NTM: variants seen among roughly 807,000 people sequenced by gnomAD.
The protein encoded by NTM is neurotrimin, also known as IgLON family member 2.
A neutral mutation model predicts 42.1 loss-of-function variants in NTM; 13 were observed. That is an observed-to-expected ratio of 0.31 (90% CI 0.20 to 0.49). NTM has a LOEUF of 0.49. Among genes scored for constraint, NTM ranks in the 20% least tolerant of loss-of-function variants. The probability of loss-of-function intolerance (pLI) is 0.99; values close to 1 mark genes in which losing one functional copy is unlikely to be tolerated. For missense variants in NTM, 373 were observed against 452.8 expected, an observed-to-expected ratio of 0.82 and a Z score of 1.60; for synonymous variants, 187 against 179.2, an observed-to-expected ratio of 1.04 and a Z score of -0.35.
chr11:131,892,995 T>A (rs1288238482), intron 1 of NTM, among the ~76,000 whole-genome samples: 3 of 152,200 alleles, frequency 2.0e-5, no homozygotes, highest in African/African-American at 7.2e-5. Flanking sequence ...GAAGTCACTT[T>A]GGACTTTGAG....
intron 1 of NTM, among the ~76,000 whole-genome samples, chr11:131,469,813 G>A (rs149932895): frequency 2.0e-5 from 3 of 152,298 alleles, no homozygotes; most frequent in African/African-American, 4.8e-5. Flanking sequence ...AATAATGAGA[G>A]CCAAGCTTGG....
chr11:131,833,383 T>C (rs191528805), intron 1 of NTM, among the ~76,000 whole-genome samples: 23 of 152,316 alleles, frequency 1.5e-4, no homozygotes, highest in African/African-American at 5.3e-4. Context: ...CACTACCTCA[T>C]GTAACCCCCA....
intron 1 of NTM, among the ~76,000 whole-genome samples, chr11:131,779,184 C>T (rs948487684): frequency 6.6e-6 from 1 of 152,142 alleles, no homozygotes; most frequent in African/African-American, 2.4e-5. Flanking sequence ...GAATTCTGCC[C>T]ACACAAATGA....
At chr11:131,432,076 C>A (rs983259075) in intron 1 of NTM, among the ~76,000 whole-genome samples, 1 of 152,158 alleles carries the variant, frequency 6.6e-6, no homozygotes, top group Admixed American at 6.5e-5. Context: ...GAAGATTTAG[C>A]CCTCTGCATT....
Position 132,079,491 on chromosome 11 carries a change from G to C in NTM, c.168-66791G>C, listed in dbSNP as rs532685766. ...CATCGTTGTTAAGGATGATGTTGAT[G>C]CTATCCTTGTTCCAGTGATGGAAAA... On this transcript the variant is annotated intron_variant, in intron 2 of 8. Coordinates refer to ENST00000683400, the MANE Select transcript of NTM (RefSeq NM_001352005.2). Among the ~76,000 whole-genome samples, 133 of 152,182 alleles carry C rather than the reference G, an allele frequency of 8.7e-4. 1 individual carries two copies. The highest frequency in any genetic ancestry group is 1.5e-3 in the Non-Finnish European group (101 of 68,044).
At chr11:132,204,149 AT>A (rs2081589709) in intron 3 of NTM, among the ~76,000 whole-genome samples, 1 of 152,166 alleles carries the variant, frequency 6.6e-6, no homozygotes, top group Non-Finnish European at 1.5e-5. Context: ...GAGAATATCT[AT>A]TTGTGGGGTT....
intron 4 of NTM, among the ~76,000 whole-genome samples, chr11:132,251,280 C>G (rs969950220): frequency 1.3e-5 from 2 of 152,192 alleles, no homozygotes; most frequent in African/African-American, 4.8e-5. Flanking sequence ...ACAAAGGCTT[C>G]AATTTACCTG....
At chr11:132,137,044 C>A (rs989524170) in intron 2 of NTM, among the ~76,000 whole-genome samples, 2 of 152,206 alleles carry the variant, frequency 1.3e-5, no homozygotes, top group African/African-American at 2.4e-5. Flanking sequence ...CTGAATACAT[C>A]CTGGTTTAAT....
chr11:131,800,675 G>A (rs969710194), intron 1 of NTM, among the ~76,000 whole-genome samples: 1 of 152,160 alleles, frequency 6.6e-6, no homozygotes, highest in Non-Finnish European at 1.5e-5. Flanking sequence ...GATAGCAATT[G>A]CCTAGGTGTT....
intron 1 of NTM, among the ~76,000 whole-genome samples, chr11:131,723,790 G>T (rs76577774): frequency 8.5e-5 from 13 of 152,112 alleles, no homozygotes; most frequent in African/African-American, 3.1e-4. Context: ...GTGCATGTGC[G>T]TGTGCATTTC....
At chr11:131,542,995 G>T (rs974364344) in intron 1 of NTM, among the ~76,000 whole-genome samples, 1 of 152,178 alleles carries the variant, frequency 6.6e-6, no homozygotes, top group African/African-American at 2.4e-5. Context: ...TGTCCCTGGT[G>T]CCCCTTCCTC....
At chr11:132,333,028 A>G (rs764608077) in intron 8 of NTM, among the ~76,000 whole-genome samples, 4 of 152,192 alleles carry the variant, frequency 2.6e-5, no homozygotes, top group Admixed American at 6.5e-5. Context: ...TCAGGAGAGC[A>G]CAAGGGATGA....
chr11:132,149,678 C>T (rs766118893), intron 3 of NTM, among the ~76,000 whole-genome samples: 3 of 152,078 alleles, frequency 2.0e-5, no homozygotes, highest in Non-Finnish European at 4.4e-5. Flanking sequence ...TTCTTGCAGA[C>T]AGCCGTGAGG....
At chr11:131,724,300 AATT>A (rs769388280) in intron 1 of NTM, among the ~76,000 whole-genome samples, 26 of 151,944 alleles carry the variant, frequency 1.7e-4, no homozygotes, top group African/African-American at 5.1e-4. Context: ...CAGGAAGTAA[AATT>A]ATTATTATTT....
At chr11:131,914,114 G>T (rs1383962560) in intron 2 of NTM, among the ~76,000 whole-genome samples, 2 of 152,196 alleles carry the variant, frequency 1.3e-5, no homozygotes, top group Non-Finnish European at 2.9e-5. Context: ...CTTGTTCTGT[G>T]TACAGAGAGG....
intron 7 of NTM, chr11:132,317,757 C>A: frequency 1.1e-6 from 1 of 924,518 alleles, no homozygotes; most frequent in Non-Finnish European, 1.6e-6. Context: ...CCTTCCCCTG[C>A]TGTGCATTAC....
intron 4 of NTM, among the ~76,000 whole-genome samples, chr11:132,216,566 A>G (rs1391798176): frequency 6.6e-6 from 1 of 152,212 alleles, no homozygotes; most frequent in East Asian, 1.9e-4. Context: ...TATTCAGCAA[A>G]GCCCTGCAAG....
chr11:131,744,183 A>G (rs1251292388), intron 1 of NTM, among the ~76,000 whole-genome samples: 1 of 152,182 alleles, frequency 6.6e-6, no homozygotes, highest in Non-Finnish European at 1.5e-5. Context: ...GGAGCCATTG[A>G]GAGGATTAAT....
At chr11:131,708,649 C>G (rs1405328) in intron 1 of NTM, among the ~76,000 whole-genome samples, 6,347 of 152,156 alleles carry the variant, frequency 0.042, 441 homozygotes, top group African/African-American at 0.14. Context: ...TACACACAGT[C>G]AATATAATAC....
Sources: gnomAD v4.1 joint callset for allele counts (sites outside exome capture counted in the v4.1 genomes callset) on GRCh38, gnomAD v4.1.1 for gene constraint, MANE v1.5 for transcripts, NCBI Gene and HGNC (gene_info 2026-07-23, HGNC 2026-07-21) for gene names.